The following ZNF536 variants were observed in gnomAD, a reference collection of about 807,000 sequenced individuals.
ZNF536 encodes the protein zinc finger protein 536.
Under a neutral mutation model 84.5 loss-of-function variants are expected in ZNF536, and 13 were observed. The observed-to-expected ratio is 0.15, with a 90% CI of 0.10 to 0.24. The LOEUF (loss-of-function observed/expected upper bound fraction) is 0.24. Among genes scored for constraint, ZNF536 ranks in the 10% least tolerant of loss-of-function variants. The probability of loss-of-function intolerance (pLI) is 1.00; values close to 1 mark genes in which losing one functional copy is unlikely to be tolerated. For missense variants in ZNF536, 1,536 were observed against 1,747.5 expected (o/e 0.88, Z 2.16); for synonymous variants, 811 against 742.5 (o/e 1.09, Z -1.50).
chr19:30,641,922 T>C (rs986747947), intron 1 of ZNF536, among the ~76,000 whole-genome samples: 5 of 152,210 alleles, frequency 3.3e-5, no homozygotes, highest in Non-Finnish European at 5.9e-5. Context: ...GCGACTCTGA[T>C]TGCAAAGCCA....
At chr19:30,497,785 TGG>T (rs1458300646) in intron 2 of ZNF536, among the ~76,000 whole-genome samples, 1 of 152,076 alleles carries the variant, frequency 6.6e-6, no homozygotes, top group Admixed American at 6.6e-5. Context: ...TGTGTGAACG[TGG>T]GGTGTGTGTG....
intron 1 of ZNF536, among the ~76,000 whole-genome samples, chr19:30,233,930 T>G (rs1417295007): frequency 6.6e-6 from 1 of 152,094 alleles, no homozygotes; most frequent in Admixed American, 6.5e-5. Flanking sequence ...TTCTCAAAGC[T>G]CATCCACCAC....
intron 1 of ZNF536, among the ~76,000 whole-genome samples, chr19:30,647,782 T>TG (rs2049531687): frequency 6.6e-6 from 1 of 152,160 alleles, no homozygotes; most frequent in African/African-American, 2.4e-5. Context: ...ACTTTTAATC[T>TG]GGGGCAGGGA....
At chr19:30,366,417 CTTCT>C (rs1316467439) in intron 3 of ZNF536, among the ~76,000 whole-genome samples, 1 of 147,816 alleles carries the variant, frequency 6.8e-6, no homozygotes, top group Non-Finnish European at 1.5e-5. Flanking sequence ...TCCTTCCTTC[CTTCT>C]TTCCTTCCTT....
chr19:30,423,874 A>G (rs2051094902), intron 1 of ZNF536, among the ~76,000 whole-genome samples: 1 of 152,028 alleles, frequency 6.6e-6, no homozygotes, highest in Non-Finnish European at 1.5e-5. Context: ...GATAAGTAGT[A>G]ATATGATGGG....
intron 2 of ZNF536, among the ~76,000 whole-genome samples, chr19:30,518,439 C>T (rs1414876537): frequency 2.6e-5 from 4 of 152,120 alleles, no homozygotes; most frequent in South Asian, 2.1e-4. Flanking sequence ...GGATTATAAC[C>T]GTGCTCTAAC....
At chr19:30,565,544 G>A (rs1171087498) in intron 1 of ZNF536, among the ~76,000 whole-genome samples, 1 of 152,248 alleles carries the variant, frequency 6.6e-6, no homozygotes, top group Non-Finnish European at 1.5e-5. Flanking sequence ...AGAGATGCTA[G>A]ATGGCTTGCC....
intron 2 of ZNF536, among the ~76,000 whole-genome samples, chr19:30,329,166 C>T (rs1378881795): frequency 6.6e-6 from 1 of 152,214 alleles, no homozygotes; most frequent in Non-Finnish European, 1.5e-5. Context: ...CTGTCCTAAG[C>T]CACCTCTGAG....
intron 2 of ZNF536, among the ~76,000 whole-genome samples, chr19:30,525,316 A>G (rs1195893372): frequency 6.6e-6 from 1 of 152,210 alleles, no homozygotes; most frequent in African/African-American, 2.4e-5. Flanking sequence ...CGATGTTTTG[A>G]CGGTGCCCTG....
intron 4 of ZNF536, chr19:30,555,904 C>A (rs1017553045): frequency 6.6e-6 from 1 of 152,162 alleles, no homozygotes; most frequent in Non-Finnish European, 1.5e-5. Context: ...CAGGCTGTAC[C>A]CAGCCAGCAC....
At position 30,444,795 on chromosome 19, in the gene ZNF536, G is replaced by T. The variant is rs1230360826; in HGVS notation, c.1233G>T (p.Val411=). The T allele has an allele frequency of 3.1e-6, 5 of 1,613,818 alleles. No individual in the cohort carries two copies. The highest frequency in any genetic ancestry group is 3.4e-6 in the Non-Finnish European group (4 of 1,180,052). ...ACAAGTCCCCCAGCGACCCCGAGGT[G>T]CCTGTGCCCATGGGCGGCATGTCCC... The part of the protein sequence containing the change: ...VKNKSPSDPE[V]PVPMGGMSQE... Residue 411 remains valine (V), a synonymous_variant, in exon 2 of 5, where the codon GTG becomes GTT. Coordinates refer to ENST00000355537, the MANE Select transcript of ZNF536 (RefSeq NM_014717.3).
chr19:30,502,036 G>T (rs920022544), intron 2 of ZNF536, among the ~76,000 whole-genome samples: 2 of 152,114 alleles, frequency 1.3e-5, no homozygotes, highest in Non-Finnish European at 2.9e-5. Context: ...TTCTAAAAGG[G>T]TTGAATTTAC....
At chr19:30,287,690 ATGGATGGATGGATGGATGAG>A (rs2045693477) in intron 2 of ZNF536, among the ~76,000 whole-genome samples, 2 of 106,522 alleles carry the variant, frequency 1.9e-5, no homozygotes, top group African/African-American at 7.4e-5. Flanking sequence ...GGATGGATGG[ATGGATGGATGGATGGATGAG>A]TGGATGGATG....
chr19:30,512,193 G>T (rs915093436), intron 2 of ZNF536, among the ~76,000 whole-genome samples: 5 of 152,078 alleles, frequency 3.3e-5, no homozygotes, highest in African/African-American at 1.2e-4. Flanking sequence ...AAAATATACT[G>T]CAAAACACAG....
chr19:30,671,610 G>A (rs2050554600), intron 1 of ZNF536, among the ~76,000 whole-genome samples: 2 of 152,188 alleles, frequency 1.3e-5, no homozygotes, highest in African/African-American at 4.8e-5. Context: ...CCTCACTGGA[G>A]GGAGGTGGCT....
At chr19:30,666,619 A>G (rs1436955348) in intron 1 of ZNF536, among the ~76,000 whole-genome samples, 1 of 152,034 alleles carries the variant, frequency 6.6e-6, no homozygotes. Context: ...TGGGGGTAGC[A>G]GAATCCTCAG....
At chr19:30,450,749 A>T (rs943659015) in intron 2 of ZNF536, among the ~76,000 whole-genome samples, 1 of 152,134 alleles carries the variant, frequency 6.6e-6, no homozygotes, top group Admixed American at 6.5e-5. Context: ...GACCTTATGA[A>T]CAGATCATAG....
chr19:30,314,003 G>T (rs1056549882), intron 2 of ZNF536, among the ~76,000 whole-genome samples: 27 of 152,208 alleles, frequency 1.8e-4, no homozygotes, highest in Non-Finnish European at 1.2e-4. Context: ...CTACTCCAAC[G>T]CTCCTTTGGG....
chr19:30,696,956 C>G (rs2051686709), intron 1 of ZNF536, among the ~76,000 whole-genome samples: 1 of 152,162 alleles, frequency 6.6e-6, no homozygotes, highest in South Asian at 2.1e-4. Context: ...TGGCTCTGGA[C>G]AGATGCTGTG....
Sources: allele counts gnomAD v4.1 joint callset (sites outside exome capture counted in the v4.1 genomes callset), GRCh38; gene constraint gnomAD v4.1.1; transcripts MANE v1.5; gene names NCBI Gene and HGNC (gene_info 2026-07-23, HGNC 2026-07-21).